Variants in NSD3 observed in about 807,000 individuals in gnomAD.
NSD3 encodes the protein histone-lysine N-methyltransferase NSD3.
Under a neutral mutation model 160.8 loss-of-function variants are expected in NSD3, and 24 were observed. The observed-to-expected ratio is 0.15, with a 90% confidence interval of 0.11 to 0.21. The LOEUF is 0.21. NSD3 is among the 10% of genes least tolerant of loss of function. The pLI, the probability that NSD3 is intolerant of heterozygous loss-of-function variation, is 1.00. For synonymous variants in NSD3, 520 were observed against 600.0 expected, an observed-to-expected ratio of 0.87 and a Z score of 1.95; for missense variants, 1,157 against 1,735.9, an observed-to-expected ratio of 0.67 and a Z score of 5.93.
intron 1 of NSD3, among the ~76,000 whole-genome samples, chr8:38,373,147 C>T (rs1221150631): frequency 6.6e-6 from 1 of 152,074 alleles, no homozygotes; most frequent in Non-Finnish European, 1.5e-5. Flanking sequence ...CAAAGCAATA[C>T]CAGCTAAACC....
At chr8:38,315,656 C>G in intron 10 of NSD3, 112 bp from the exon 11 acceptor site, 1 of 1,413,926 alleles carries the variant, frequency 7.1e-7, no homozygotes, top group Non-Finnish European at 9.5e-7. Context: ...TTGACACAAC[C>G]ACCTTTTTCC....
chr8:38,273,953 AAAAG>A lies in NSD3; in HGVS notation c.*1684_*1687del, dbSNP rs1179628400. On this transcript the variant is annotated 3_prime_UTR_variant, in exon 24 of 24. Transcript: ENST00000317025. ...TATAATTGCACATTTACATACAAAA[AAAAG>A]AGGCACAAAACAGATTTTCACCCTC... is the stretch of plus-strand genomic sequence containing the variant. 1 of 152,236 alleles carries A rather than the reference AAAAG, an allele frequency of 6.6e-6. No individual in the cohort carries two copies. The highest frequency in any genetic ancestry group is 1.5e-5 in the Non-Finnish European group (1 of 68,040). 9.4% of individuals were successfully genotyped at this position (152,236 alleles called of 1,614,324 possible).
At chr8:38,357,617 T>G (rs1810857674) in intron 1 of NSD3, among the ~76,000 whole-genome samples, 1 of 152,188 alleles carries the variant, frequency 6.6e-6, no homozygotes, top group Admixed American at 6.5e-5. Flanking sequence ...TGAGTAACTT[T>G]CCTCTGTGTT....
intron 2 of NSD3, among the ~76,000 whole-genome samples, chr8:38,345,271 G>C (rs953092794): frequency 2.2e-5 from 3 of 133,988 alleles, no homozygotes; most frequent in Non-Finnish European, 1.6e-5. Flanking sequence ...AGGAAGGAAT[G>C]GAAGGGGGAA....
At chr8:38,358,596 C>A (rs1810882145) in intron 1 of NSD3, among the ~76,000 whole-genome samples, 1 of 151,940 alleles carries the variant, frequency 6.6e-6, no homozygotes, top group Admixed American at 6.6e-5. Flanking sequence ...ACTAGAGGGT[C>A]ATTTTGTTTT....
intron 14 of NSD3, among the ~76,000 whole-genome samples, chr8:38,302,990 A>G (rs1809311136): frequency 6.6e-6 from 1 of 152,226 alleles, no homozygotes; most frequent in East Asian, 1.9e-4. Context: ...GCAAAAGAGA[A>G]TATTAATTAA....
intron 6 of NSD3, among the ~76,000 whole-genome samples, chr8:38,327,735 G>A (rs2150374561): frequency 6.6e-6 from 1 of 152,114 alleles, no homozygotes; most frequent in East Asian, 1.9e-4. Flanking sequence ...ATGCCAATAT[G>A]TCTTAAGAGA....
intron 16 of NSD3, among the ~76,000 whole-genome samples, chr8:38,292,157 A>T (rs1809010503): frequency 6.6e-6 from 1 of 152,244 alleles, no homozygotes; most frequent in African/African-American, 2.4e-5. Flanking sequence ...AAATGTCTTA[A>T]ATGTATTAAT....
intron 1 of NSD3, among the ~76,000 whole-genome samples, chr8:38,375,930 A>C: frequency 6.6e-6 from 1 of 152,134 alleles, no homozygotes; most frequent in East Asian, 1.9e-4. Flanking sequence ...TCTACAACAG[A>C]CAAGACTATC....
intron 1 of NSD3, among the ~76,000 whole-genome samples, chr8:38,374,100 G>A (rs185124366): frequency 4.9e-4 from 75 of 151,910 alleles, no homozygotes; most frequent in African/African-American, 1.7e-3. Context: ...AGGTGGTAGA[G>A]GAAGACCCTG....
In NSD3 at chr8:38,289,360, T is replaced by C; in HGVS notation, c.3231+33A>G. On this transcript the variant is annotated intron_variant, in intron 18 of 23. Coordinates refer to ENST00000317025, the MANE Select transcript of NSD3 (RefSeq NM_023034.2). ...AAGACTTACTTTGTTTCTTATTTTA[T>C]TTGGCAATCCCAGGCCAGAGATAAA... is the stretch of plus-strand genomic sequence containing the variant. 4 of 1,556,636 alleles carry C rather than the reference T, an allele frequency of 2.6e-6. No individual in the cohort carries two copies. In the African/African-American group the frequency reaches 5.5e-5, roughly 21 times the overall value.
At position 38,316,862 on chromosome 8, in the gene NSD3, A is replaced by C. The variant is rs1809679066; in HGVS notation, c.1856-820T>G. The C allele has an allele frequency of 9.4e-7, 1 of 1,062,702 alleles. No homozygotes were observed. The highest frequency in any genetic ancestry group is 1.6e-5 in the African/African-American group (1 of 60,882). 65.8% of individuals were successfully genotyped at this position (1,062,702 alleles called of 1,614,324 possible). ...AATCCAGCCAAAACAATAGTGCAAA[A>C]AGTTACAAAGCAACAATCTCTTGGG... is the stretch of plus-strand genomic sequence containing the variant. On this transcript the variant is annotated intron_variant, in intron 9 of 23. Transcript: ENST00000317025. This position sits in a 1 kb window ranked among gnomAD's most constrained non-coding sequence, Gnocchi z 4.5.
intron 1 of NSD3, among the ~76,000 whole-genome samples, chr8:38,369,361 AAAGTT>A: frequency 6.6e-6 from 1 of 152,292 alleles, no homozygotes. Flanking sequence ...ATTGGACTGG[AAAGTT>A]AACTTCATGT....
At chr8:38,342,318 T>G (rs1220288235) in intron 2 of NSD3, among the ~76,000 whole-genome samples, 1 of 152,152 alleles carries the variant, frequency 6.6e-6, no homozygotes, top group Non-Finnish European at 1.5e-5. Flanking sequence ...TAAAATTAAG[T>G]AGGGACAGAG....
chr8:38,343,437 C>T (rs1010128673), intron 2 of NSD3, among the ~76,000 whole-genome samples: 1 of 152,036 alleles, frequency 6.6e-6, no homozygotes, highest in Non-Finnish European at 1.5e-5. Flanking sequence ...TGCAGTGGCT[C>T]ACACCTGTAA....
intron 10 of NSD3, 138 bp downstream of exon 10, chr8:38,315,774 A>C (rs1234453223): frequency 7.4e-7 from 1 of 1,346,476 alleles, no homozygotes; most frequent in Non-Finnish European, 1.0e-6. Context: ...TGAGAGCAAA[A>C]GAATTAAGAC....
intron 4 of NSD3, chr8:38,336,001 GA>G: frequency 6.6e-6 from 1 of 152,290 alleles, no homozygotes; most frequent in Non-Finnish European, 1.5e-5. Context: ...TTGACAAGAC[GA>G]AAAATGGTTG....
intron 1 of NSD3, among the ~76,000 whole-genome samples, chr8:38,370,343 T>C (rs111507808): frequency 0.019 from 2,861 of 151,756 alleles, 42 homozygotes; most frequent in South Asian, 0.035. Flanking sequence ...CCATACACAA[T>C]ACTCTCTCAA....
rs777457641 is a variant in NSD3 at position 38,305,325 on chromosome 8, T to C, written c.2363A>G (p.Glu788Gly). The C allele has an allele frequency of 6.2e-7, 1 of 1,614,168 alleles. No homozygotes were observed. Among genetic ancestry groups the C allele is most frequent in the South Asian group, 1.1e-5 (1 of 91,082 alleles). The change falls in exon 13 of 24, where the codon GAA becomes GGA. Residue 788 changes from glutamate (E) to glycine (G), a missense_variant. By Grantham distance (98) the Glu-to-Gly change is moderately conservative. Transcript: ENST00000317025. ...CTGAGGACAGCGGAATCCTTTTGAT[T>C]CAAAGATGGCAGTGGGGAATTTGCG... The part of the protein sequence containing the change: ...CVRKFPTAIF[E>G]SKGFRCPQHC...
Sources: gnomAD v4.1 joint callset for allele counts (sites outside exome capture counted in the v4.1 genomes callset) on GRCh38, gnomAD v4.1.1 for gene constraint, Gnocchi (gnomAD v3.1) non-coding constraint, MANE v1.5 for transcripts, NCBI Gene and HGNC (gene_info 2026-07-23, HGNC 2026-07-21) for gene names.